The following GALNS variants were observed in gnomAD, a reference collection of about 807,000 sequenced individuals.
GALNS encodes the protein N-acetylgalactosamine-6-sulfatase.
A neutral mutation model predicts 65.9 loss-of-function variants in GALNS; 65 were observed. The ratio of observed to expected loss-of-function variants is 0.99; its 90% CI spans 0.81 to 1.21. GALNS has a LOEUF of 1.21. GALNS is among the 50% of genes most tolerant of loss of function. GALNS has a pLI of 0.00. For synonymous variants in GALNS, 346 were observed against 288.9 expected, an observed-to-expected ratio of 1.20 and a Z score of -2.00; for missense variants, 776 against 700.7, an observed-to-expected ratio of 1.11 and a Z score of -1.21.
At chr16:88,831,315 A>G (rs78345884) in intron 9 of GALNS, among the ~76,000 whole-genome samples, 2 of 19,060 alleles carry the variant, frequency 1.0e-4, no homozygotes, top group East Asian at 2.2e-3. Flanking sequence ...GTGCGTGGGG[A>G]GGAGAGCGGT....
At chr16:88,821,990 G>A (rs1044198624) in intron 12 of GALNS, among the ~76,000 whole-genome samples, 1 of 151,462 alleles carries the variant, frequency 6.6e-6, no homozygotes, top group Non-Finnish European at 1.5e-5. Context: ...AGATGGGTTC[G>A]GACAAAAAAA....
In GALNS at chr16:88,823,444, G is replaced by C. The variant is rs1910461632; in HGVS notation, c.1243-734C>G. On this transcript the variant is annotated intron_variant, in intron 11 of 13. Coordinates refer to ENST00000268695, the MANE Select transcript of GALNS (RefSeq NM_000512.5). ...TCCCAGAGCGGGTGCTGCAGGCCAA[G>C]GGGCTCGTCCGAGGACTGTGCCCAG... is the stretch of plus-strand genomic sequence containing the variant. Among the ~76,000 whole-genome samples the C allele has an allele frequency of 2.0e-5, 3 of 152,268 alleles. No homozygotes were observed. In the South Asian group the frequency reaches 6.2e-4, roughly 31 times the overall value.
At chr16:88,822,854 T>TG (rs1294792238) in intron 11 of GALNS, 144 bp from the exon 12 acceptor site, 43 of 1,280,494 alleles carry the variant, frequency 3.4e-5, no homozygotes, top group Admixed American at 1.0e-4. Context: ...CTGGGGGCCG[T>TG]GGGGGGGTCT....
rs140018158 is a variant in GALNS, at chr16:88,841,002, C to T, written c.412G>A (p.Val138Ile). The change falls in exon 4 of 14, where the codon GTC becomes ATC. Residue 138 changes from valine to isoleucine, a missense_variant. Coordinates refer to ENST00000268695, the MANE Select transcript of GALNS (RefSeq NM_000512.5). The part of the protein sequence containing the change: ...LKKAGYVSKI[V>I]GKWHLGHRPQ... The stretch of plus-strand genomic sequence containing the variant: ...GGCCAGGAGACTTACCACTTGCCGA[C>T]AATCTTGCTGACGTAGCCGGCCTTC... 5.0e-5 allele frequency: 80 copies of T among 1,613,112 alleles called. No homozygotes were observed. The African/African-American group carries it at 9.3e-4, about 19-fold the overall frequency.
intron 4 of GALNS, chr16:88,838,719 T>C (rs2143002973): frequency 6.6e-6 from 1 of 152,428 alleles, no homozygotes; most frequent in Non-Finnish European, 1.5e-5. Context: ...CAGAACGGGC[T>C]GCAGGAGAGG....
chr16:88,835,857 G>A lies in GALNS; in HGVS notation c.634-8C>T. On this transcript the variant is annotated splice_region_variant and splice_polypyrimidine_tract_variant and intron_variant, in intron 6 of 13. Transcript: ENST00000268695. The stretch of plus-strand genomic sequence containing the variant: ...AATGAAGTCCAGGGCTTCCTATGGA[G>A]AGAGCCACACCGTCGTCCTCCAGCC... 2 of 1,613,966 alleles carry A rather than the reference G, an allele frequency of 1.2e-6. No homozygotes were observed. The highest frequency in any genetic ancestry group is 2.7e-5 in the African/African-American group (2 of 75,070).
intron 5 of GALNS, among the ~76,000 whole-genome samples, 200 bp from the exon 6 acceptor site, chr16:88,836,467 A>G (rs1186985766): frequency 1.3e-5 from 2 of 152,216 alleles, no homozygotes; most frequent in African/African-American, 2.4e-5. Flanking sequence ...CAGCCTGGGC[A>G]ACATGGTGAA....
At chr16:88,820,339 G>A (rs555896908) in intron 12 of GALNS, among the ~76,000 whole-genome samples, 1 of 152,190 alleles carries the variant, frequency 6.6e-6, no homozygotes, top group South Asian at 2.1e-4. Flanking sequence ...ATGTAGGCCA[G>A]GCTGGTCTCA....
At chr16:88,829,043 C>T (rs923936494) in intron 9 of GALNS, among the ~76,000 whole-genome samples, 3 of 146,212 alleles carry the variant, frequency 2.1e-5, no homozygotes, top group African/African-American at 5.1e-5. Flanking sequence ...CTCACGCCAA[C>T]GTCTCCCAGA....
intron 8 of GALNS, among the ~76,000 whole-genome samples, chr16:88,834,332 C>T (rs567456688): frequency 4.3e-5 from 6 of 140,766 alleles, no homozygotes; most frequent in Admixed American, 2.9e-4. Flanking sequence ...CTCCCCACCA[C>T]GTGGTCTGGG....
In GALNS at chr16:88,825,050, G is replaced by A. The variant is rs528654873; in HGVS notation, c.1140-181C>T. 8.2e-3 allele frequency among the ~76,000 whole-genome samples: 1,224 copies of A among 149,164 alleles called. 35 individuals carry two copies. Among genetic ancestry groups the A allele is most frequent in the African/African-American group, 0.03 (1,167 of 38,848 alleles). On this transcript the variant is annotated intron_variant, in intron 10 of 13. Coordinates refer to ENST00000268695, the MANE Select transcript of GALNS (RefSeq NM_000512.5). ...AGGTGGCTGGGGCTGGGGTGCCTGGGCGGCCGGGGCTGGAGCTCCTGGGTG... is the reference window on the plus strand; with the variant it reads ...AGGTGGCTGGGGCTGGGGTGCCTGGACGGCCGGGGCTGGAGCTCCTGGGTG...
intron 9 of GALNS, among the ~76,000 whole-genome samples, chr16:88,829,575 G>A (rs1206627902): frequency 2.6e-5 from 4 of 152,262 alleles, no homozygotes; most frequent in Non-Finnish European, 4.4e-5. Flanking sequence ...GTAGAGAACA[G>A]GCGCCCTTGG....
intron 8 of GALNS, 128 bp downstream of exon 8, chr16:88,835,085 T>A (rs1597567579): frequency 1.6e-6 from 2 of 1,240,298 alleles, no homozygotes; most frequent in East Asian, 5.1e-5. Context: ...CATCTGCTCC[T>A]CCCGCTGGAC....
At position 88,814,212 on chromosome 16, in the gene GALNS, G is replaced by A. The variant is rs998635923; in HGVS notation, c.*227C>T. On this transcript the variant is annotated 3_prime_UTR_variant, in exon 14 of 14. Transcript: ENST00000268695. ...TCCTGAGGTCTGAGGCGCCGTGGGCGAGGAGGAGGGTCCTGAAATCTGAGG... is the reference window on the plus strand; with the variant it reads ...TCCTGAGGTCTGAGGCGCCGTGGGCAAGGAGGAGGGTCCTGAAATCTGAGG... 23 of 616,862 alleles carry A rather than the reference G, an allele frequency of 3.7e-5. No individual in the cohort carries two copies. Among genetic ancestry groups the A allele is most frequent in the Non-Finnish European group, 5.2e-5 (18 of 348,452 alleles). The allele number at this position is 616,862 out of a possible 1,614,324, so 38.2% of individuals were successfully genotyped here.
intron 1 of GALNS, chr16:88,843,842 A>T (rs1210977331): frequency 6.5e-6 from 1 of 153,188 alleles, no homozygotes; most frequent in Non-Finnish European, 1.5e-5. Flanking sequence ...AAGGAAGGGC[A>T]CCCCACACCG....
intron 2 of GALNS, 106 bp downstream of exon 2, chr16:88,842,600 A>G (rs1422883992): frequency 7.2e-7 from 1 of 1,387,166 alleles, no homozygotes; most frequent in African/African-American, 1.4e-5. Context: ...AGTAGTAGGA[A>G]TAGACAAGGT....
At chr16:88,847,622 A>G (rs56145777) in intron 1 of GALNS, among the ~76,000 whole-genome samples, 6,652 of 152,312 alleles carry the variant, frequency 0.044, 491 homozygotes, top group African/African-American at 0.15. Flanking sequence ...AGAGCCGGAG[A>G]GAGGCTCACT....
intron 1 of GALNS, 159 bp from the exon 2 acceptor site, chr16:88,842,988 C>CTGCG: frequency 6.6e-7 from 1 of 1,507,740 alleles, no homozygotes; most frequent in Non-Finnish European, 8.9e-7. Context: ...CCAGCATCGC[C>CTGCG]TGCGTGCGTG....
At chr16:88,854,984 C>A in intron 1 of GALNS, 2 of 337,592 alleles carry the variant, frequency 5.9e-6, no homozygotes, top group Non-Finnish European at 1.2e-5. Context: ...CTGTCACCCT[C>A]CCCCACATGT....
Sources: allele counts gnomAD v4.1 joint callset (sites outside exome capture counted in the v4.1 genomes callset), GRCh38; gene constraint gnomAD v4.1.1; transcripts MANE v1.5; gene names NCBI Gene and HGNC (gene_info 2026-07-23, HGNC 2026-07-21).